KATNAL2: variants seen among roughly 807,000 people sequenced by gnomAD.
KATNAL2 encodes the protein katanin catalytic subunit A1 like 2.
Under a neutral mutation model 76.3 loss-of-function variants are expected in KATNAL2, and 52 were observed. The observed-to-expected ratio is 0.68, with a 90% CI of 0.55 to 0.86. KATNAL2 has a LOEUF of 0.86. Ranked by LOEUF, KATNAL2 falls within the 40% of genes least tolerant of loss-of-function variation. The probability of loss-of-function intolerance (pLI) is 0.00; values close to 1 mark genes in which losing one functional copy is unlikely to be tolerated. For synonymous variants in KATNAL2, 243 were observed against 244.2 expected (o/e 1.00, Z 0.05); for missense variants, 660 against 668.9 (o/e 0.99, Z 0.15).
rs143433389 is a variant in KATNAL2 at position 47,034,317 on chromosome 18, C to G, written c.52-12140C>G. 1.7e-5 allele frequency: 27 copies of G among 1,612,866 alleles called. No individual in the cohort carries two copies. Among genetic ancestry groups the G allele is most frequent in the Non-Finnish European group, 2.2e-5 (26 of 1,179,056 alleles). On this transcript the variant is annotated intron_variant, in intron 3 of 17. Coordinates refer to ENST00000683218, the MANE Select transcript of KATNAL2 (RefSeq NM_001387690.1). ...GGTCCCGGCCGTCTAGACTGGGCCT[C>G]TTCTTGTTCGAGTGACTGTGCTGAG...
intron 5 of KATNAL2, 31 bp downstream of exon 5, chr18:47,053,077 TG>T: frequency 6.6e-7 from 1 of 1,511,030 alleles, no homozygotes; most frequent in Non-Finnish European, 8.9e-7. Flanking sequence ...GATAAGGCTT[TG>T]TCTCATCTGT....
intron 3 of KATNAL2, among the ~76,000 whole-genome samples, chr18:47,038,909 T>G (rs763787274): frequency 2.0e-5 from 3 of 152,214 alleles, no homozygotes; most frequent in Admixed American, 1.3e-4. Flanking sequence ...CCTGTATTAC[T>G]CTTCTGTTCA....
intron 15 of KATNAL2, among the ~76,000 whole-genome samples, chr18:47,090,882 A>G (rs1386450128): frequency 1.3e-5 from 2 of 152,330 alleles, no homozygotes; most frequent in African/African-American, 2.4e-5. Flanking sequence ...GTACCCTTCA[A>G]TGCTTAATCA....
intron 3 of KATNAL2, among the ~76,000 whole-genome samples, chr18:46,947,136 G>T (rs181511338): frequency 6.6e-6 from 1 of 152,196 alleles, no homozygotes; most frequent in Non-Finnish European, 1.5e-5. Context: ...GGCGGGTTTG[G>T]GGGTGACAAC....
chr18:47,068,098 T>C (rs897419537), intron 11 of KATNAL2, among the ~76,000 whole-genome samples: 1 of 152,264 alleles, frequency 6.6e-6, no homozygotes, highest in African/African-American at 2.4e-5. Flanking sequence ...GCTAGTCTTA[T>C]ATTTTCAAGT....
At chr18:47,033,094 G>A (rs757395128) in intron 3 of KATNAL2, 3 of 1,614,070 alleles carry the variant, frequency 1.9e-6, no homozygotes, top group Admixed American at 1.7e-5. Flanking sequence ...GGTTTTGGCC[G>A]CGGGCGCCGC....
Position 47,058,226 on chromosome 18 carries a change from C to G in KATNAL2, c.333-9C>G. The G allele has an allele frequency of 6.3e-7, 1 of 1,584,424 alleles. No individual in the cohort carries two copies. The highest frequency in any genetic ancestry group is 8.7e-7 in the Non-Finnish European group (1 of 1,153,558). On this transcript the variant is annotated splice_polypyrimidine_tract_variant and intron_variant, in intron 6 of 17. Transcript: ENST00000683218. ...TAATTTCTTCCAAGGTCTTTGTTCC[C>G]TCCCTTAGGATGATGAACGACAGTT...
At chr18:46,928,089 A>G (rs1251156564) in intron 1 of KATNAL2, among the ~76,000 whole-genome samples, 1 of 152,142 alleles carries the variant, frequency 6.6e-6, no homozygotes, top group Non-Finnish European at 1.5e-5. Context: ...TCAACTCGTC[A>G]AAGTCATTCT....
At chr18:46,960,427 C>A (rs1213986582) in intron 3 of KATNAL2, among the ~76,000 whole-genome samples, 38 of 140,452 alleles carry the variant, frequency 2.7e-4, no homozygotes, top group South Asian at 9.4e-4. Flanking sequence ...AGCGAAACTT[C>A]AAAAAAAAAA....
At chr18:46,929,825 A>T (rs1396448187) in intron 1 of KATNAL2, among the ~76,000 whole-genome samples, 2 of 152,064 alleles carry the variant, frequency 1.3e-5, no homozygotes, top group East Asian at 1.9e-4. Context: ...CCCGGGCTAG[A>T]GTACAGTGAT....
chr18:47,042,709 G>A (rs1287606736), intron 3 of KATNAL2, among the ~76,000 whole-genome samples: 5 of 151,894 alleles, frequency 3.3e-5, no homozygotes, highest in Non-Finnish European at 7.4e-5. Flanking sequence ...GAACACTGTG[G>A]GAAAAAAAGT....
intron 1 of KATNAL2, among the ~76,000 whole-genome samples, chr18:46,937,911 TG>T (rs1337012866): frequency 6.6e-6 from 1 of 151,990 alleles, no homozygotes; most frequent in East Asian, 1.9e-4. Flanking sequence ...AGAAACCAGC[TG>T]GGGCAACATA....
At chr18:47,046,932 C>A (rs544559054) in intron 4 of KATNAL2, among the ~76,000 whole-genome samples, 1 of 152,158 alleles carries the variant, frequency 6.6e-6, no homozygotes, top group African/African-American at 2.4e-5. Context: ...CCCCAACAAC[C>A]CAGACATACA....
chr18:47,065,343 C>T (rs2061756382), intron 10 of KATNAL2, among the ~76,000 whole-genome samples: 1 of 151,100 alleles, frequency 6.6e-6, no homozygotes, highest in African/African-American at 2.4e-5. Flanking sequence ...GCCTGGGCAA[C>T]ATAATGAGAC....
At position 47,082,200 on chromosome 18, in the gene KATNAL2, A is replaced by G. The variant is rs147192991; in HGVS notation, c.1211+4739A>G. ...GAAAGAGCTAATGTGGGATTTCTCA[A>G]CCTCAGAGCTACTGACATTTTCAGG... On this transcript the variant is annotated intron_variant, in intron 15 of 17. Transcript: ENST00000683218. Among the ~76,000 whole-genome samples the G allele has an allele frequency of 1.5e-3, 229 of 152,260 alleles. 2 individuals carry two copies. The highest frequency in any genetic ancestry group is 5.3e-3 in the African/African-American group (221 of 41,554).
At chr18:46,928,497 G>T (rs1282677150) in intron 1 of KATNAL2, among the ~76,000 whole-genome samples, 1 of 152,146 alleles carries the variant, frequency 6.6e-6, no homozygotes, top group African/African-American at 2.4e-5. Context: ...TGCCCCTACT[G>T]GGGGGTGCCT....
Position 46,946,080 on chromosome 18 carries a change from G to T in KATNAL2, c.-486G>T. ...AGATTGAGGAAACTTGAATATTTTT[G>T]TATCCTGAAGGGAGAAATGGATGAA... On this transcript the variant is annotated 5_prime_UTR_variant, in exon 2 of 18. Transcript: ENST00000683218. The T allele has an allele frequency of 1.9e-5, 8 of 411,126 alleles. No individual in the cohort carries two copies. Among genetic ancestry groups the T allele is most frequent in the Non-Finnish European group, 2.6e-5 (8 of 304,332 alleles). The allele number at this position is 411,126 out of a possible 1,614,324, so 25.5% of individuals were successfully genotyped here.
chr18:47,055,688 CT>C (rs2061452521), intron 6 of KATNAL2, among the ~76,000 whole-genome samples: 1 of 152,190 alleles, frequency 6.6e-6, no homozygotes, highest in South Asian at 2.1e-4. Flanking sequence ...ATGATAACTG[CT>C]TGTGCATAGA....
intron 10 of KATNAL2, among the ~76,000 whole-genome samples, chr18:47,066,104 G>GTA (rs1303061863): frequency 6.6e-6 from 1 of 151,722 alleles, no homozygotes; most frequent in East Asian, 1.9e-4. Context: ...TTTAAAAAAT[G>GTA]TATTTATATT....
Sources: gnomAD v4.1 joint callset for allele counts (sites outside exome capture counted in the v4.1 genomes callset) on GRCh38, gnomAD v4.1.1 for gene constraint, MANE v1.5 for transcripts, NCBI Gene and HGNC (gene_info 2026-07-23, HGNC 2026-07-21) for gene names.